The following DAB1 variants were observed in gnomAD, a reference collection of about 807,000 sequenced individuals.
DAB1 encodes disabled homolog 1.
In DAB1, 15 loss-of-function variants were observed where a neutral mutation model predicts 64.6. The ratio of observed to expected loss-of-function variants is 0.23; its 90% CI spans 0.16 to 0.36. The LOEUF is 0.36. Ranked by LOEUF, DAB1 falls within the 10% of genes least tolerant of loss-of-function variation. DAB1 has a pLI of 1.00. For synonymous variants in DAB1, 235 were observed against 251.9 expected, an observed-to-expected ratio of 0.93 and a Z score of 0.64; for missense variants, 596 against 706.7, an observed-to-expected ratio of 0.84 and a Z score of 1.78.
intron 7 of DAB1, among the ~76,000 whole-genome samples, chr1:57,458,493 C>T (rs1270523840): frequency 2.0e-5 from 3 of 151,030 alleles, no homozygotes; most frequent in African/African-American, 4.9e-5. Flanking sequence ...AAAAAAAAAT[C>T]GTGAATGAGT....
intron 4 of DAB1, among the ~76,000 whole-genome samples, chr1:58,175,730 A>G (rs1656433018): frequency 6.6e-6 from 1 of 152,186 alleles, no homozygotes; most frequent in African/African-American, 2.4e-5. Flanking sequence ...AATTTTGCAG[A>G]TGGATAAACT....
At chr1:58,546,473 G>A (rs943238407) in intron 1 of DAB1, among the ~76,000 whole-genome samples, 1 of 151,772 alleles carries the variant, frequency 6.6e-6, no homozygotes, top group Admixed American at 6.5e-5. Flanking sequence ...CCCCAGGACA[G>A]ATCCCCTCCG....
Position 57,270,898 on chromosome 1 carries a change from C to A in DAB1, c.67+20066G>T, listed in dbSNP as rs1488085224. Among the ~76,000 whole-genome samples, 9 of 152,180 alleles carry A rather than the reference C, an allele frequency of 5.9e-5. No individual in the cohort carries two copies. The East Asian group carries it at 1.7e-3, about 29-fold the overall frequency. ...TTGGAAACATCATACCTGAGCCACC[C>A]CCACAACCCAGACCATCATCTGTAA... On this transcript the variant is annotated intron_variant, in intron 2 of 14. Transcript: ENST00000371236.
intron 9 of DAB1, chr1:57,033,438 A>T: frequency 6.2e-7 from 1 of 1,612,928 alleles, no homozygotes; most frequent in Non-Finnish European, 8.5e-7. Context: ...TCTGTTCTGT[A>T]ACCACAAGGC....
At chr1:57,023,744 A>G in intron 10 of DAB1, 105 bp from the exon 11 acceptor site, 1 of 722,714 alleles carries the variant, frequency 1.4e-6, no homozygotes, top group Non-Finnish European at 2.5e-6. Context: ...AGGGGTCCAC[A>G]GTTCAAGCCA....
chr1:57,188,035 G>C (rs556479996), intron 2 of DAB1, among the ~76,000 whole-genome samples: 2 of 152,294 alleles, frequency 1.3e-5, no homozygotes, highest in Middle Eastern at 3.4e-3. Flanking sequence ...CTGGAACATA[G>C]GAAAGATGCA....
intron 1 of DAB1, among the ~76,000 whole-genome samples, chr1:57,383,973 A>G (rs1055078127): frequency 2.0e-5 from 3 of 151,864 alleles, no homozygotes; most frequent in Non-Finnish European, 4.4e-5. Flanking sequence ...ATAAGTGGTA[A>G]GAAAAAATAT....
intron 5 of DAB1, among the ~76,000 whole-genome samples, chr1:58,095,115 G>C (rs1217401618): frequency 6.6e-6 from 1 of 152,178 alleles, no homozygotes; most frequent in Admixed American, 6.5e-5. Context: ...GCTCTCGACT[G>C]TAAGTTGTCT....
At chr1:57,395,110 C>A (rs1682697770) in intron 1 of DAB1, among the ~76,000 whole-genome samples, 1 of 152,128 alleles carries the variant, frequency 6.6e-6, no homozygotes, top group South Asian at 2.1e-4. Context: ...CTGCAACCTC[C>A]ACCTCCGGGT....
At chr1:57,621,372 T>C (rs1295429731) in intron 7 of DAB1, among the ~76,000 whole-genome samples, 3 of 150,980 alleles carry the variant, frequency 2.0e-5, no homozygotes, top group African/African-American at 4.9e-5. Flanking sequence ...TGTGAGGGAA[T>C]AACAAGCTGG....
rs1307332384 is a variant in DAB1 at position 57,511,629 on chromosome 1, T to C, written n.625+137963A>G. On this transcript the variant is annotated intron_variant and non_coding_transcript_variant, in intron 7 of 20. Coordinates refer to the DAB1 transcript ENST00000485760. ...TTCTAGTTTACTGTCTGTTTCCCCC[T>C]GAGGAATGTAAGCTCCATGAGGGCA... 1.3e-5 allele frequency among the ~76,000 whole-genome samples: 2 copies of C among 152,226 alleles called. 1 individual carries two copies. Among genetic ancestry groups the C allele is most frequent in the South Asian group, 4.1e-4 (2 of 4,824 alleles).
At chr1:58,427,945 C>A (rs1240110251) in intron 3 of DAB1, among the ~76,000 whole-genome samples, 1 of 152,132 alleles carries the variant, frequency 6.6e-6, no homozygotes, top group Non-Finnish European at 1.5e-5. Context: ...AATACATTTG[C>A]AAATCCATGC....
chr1:57,354,963 C>T (rs1157099384), intron 1 of DAB1, among the ~76,000 whole-genome samples: 3 of 152,090 alleles, frequency 2.0e-5, no homozygotes, highest in Non-Finnish European at 4.4e-5. Flanking sequence ...CTGTCTTCTC[C>T]ACGATTAGCA....
intron 4 of DAB1, among the ~76,000 whole-genome samples, chr1:58,206,357 A>G (rs951869196): frequency 1.3e-5 from 2 of 152,228 alleles, no homozygotes; most frequent in African/African-American, 4.8e-5. Context: ...TCCTTTGTCC[A>G]CAGGAAAATT....
chr1:57,601,840 A>C (rs1645579179), intron 7 of DAB1, among the ~76,000 whole-genome samples: 1 of 152,100 alleles, frequency 6.6e-6, no homozygotes, highest in South Asian at 2.1e-4. Flanking sequence ...GTGTGTGTGT[A>C]CAAGGCACTG....
chr1:58,430,275 C>T (rs545877881), intron 3 of DAB1, among the ~76,000 whole-genome samples: 26 of 152,318 alleles, frequency 1.7e-4, no homozygotes, highest in African/African-American at 6.0e-4. Context: ...TAGTGCAGGG[C>T]ACTGGTATAG....
chr1:57,925,855 T>C (rs1030551918), intron 5 of DAB1, among the ~76,000 whole-genome samples: 2 of 152,110 alleles, frequency 1.3e-5, no homozygotes, highest in East Asian at 3.9e-4. Context: ...GATTAAAACA[T>C]ATAAACGCTC....
chr1:58,377,184 A>C (rs1159762691), intron 3 of DAB1, among the ~76,000 whole-genome samples: 1 of 150,998 alleles, frequency 6.6e-6, no homozygotes, highest in Non-Finnish European at 1.5e-5. Flanking sequence ...TTTACAATTA[A>C]AATTAATCTT....
chr1:57,922,290 G>T (rs1644819392), intron 5 of DAB1, among the ~76,000 whole-genome samples: 1 of 151,856 alleles, frequency 6.6e-6, no homozygotes, highest in Non-Finnish European at 1.5e-5. Flanking sequence ...AGGAGGGGAA[G>T]AAAAATGAAG....
Sources: gnomAD v4.1 joint callset for allele counts (sites outside exome capture counted in the v4.1 genomes callset) on GRCh38, gnomAD v4.1.1 for gene constraint, MANE v1.5 for transcripts, NCBI Gene and HGNC (gene_info 2026-07-23, HGNC 2026-07-21) for gene names.